Variants in CALD1 observed in about 807,000 individuals in gnomAD.
CALD1 encodes caldesmon.
Under a neutral mutation model 99.9 loss-of-function variants are expected in CALD1, and 33 were observed. The observed-to-expected ratio is 0.33, with a 90% CI of 0.25 to 0.44. The LOEUF is 0.44. Ranked by LOEUF, CALD1 falls within the 20% of genes least tolerant of loss-of-function variation. The probability of loss-of-function intolerance (pLI) is 1.00; values close to 1 mark genes in which losing one functional copy is unlikely to be tolerated. For missense variants in CALD1, 861 were observed against 962.1 expected, an observed-to-expected ratio of 0.89 and a Z score of 1.39; for synonymous variants, 310 against 325.0, an observed-to-expected ratio of 0.95 and a Z score of 0.50.
At chr7:134,891,749 A>T (rs1379924708) in intron 3 of CALD1, 122 of 451,794 alleles carry the variant, frequency 2.7e-4, no homozygotes, top group Non-Finnish European at 3.0e-4. Context: ...TTGTTGTAAA[A>T]AAAAAAAAAA....
At chr7:134,915,779 C>T (rs886712083) in intron 3 of CALD1, among the ~76,000 whole-genome samples, 2 of 152,146 alleles carry the variant, frequency 1.3e-5, no homozygotes, top group African/African-American at 4.8e-5. Flanking sequence ...CAAAGGGAGT[C>T]TTTAAGCATA....
rs1309895648 is a variant in CALD1, at chr7:134,958,094, A to G, written c.1961A>G (p.Asn654Ser). 3.7e-6 allele frequency: 6 copies of G among 1,610,094 alleles called. No individual in the cohort carries two copies. The highest frequency in any genetic ancestry group is 4.1e-4 in the Middle Eastern group (2 of 4,906). ...LKIEERAEFL[N>S]KSVQKSSGVK... ...ATAGAAGAGCGAGCAGAATTTTTGA[A>G]TAAGTCTGTGCAGAAAAGGTAAATA... The change falls in exon 10 of 15, where the codon AAT becomes AGT. Residue 654 changes from asparagine (N) to serine (S), a missense_variant. Physicochemically the swap from Asn to Ser is conservative, Grantham distance 46. Transcript: ENST00000361675.
chr7:134,828,529 T>C (rs1030851415), intron 1 of CALD1, among the ~76,000 whole-genome samples: 5 of 152,196 alleles, frequency 3.3e-5, no homozygotes, highest in East Asian at 3.8e-4. Flanking sequence ...AATTGTCCAA[T>C]GTTGTTCTCG....
At chr7:134,776,916 G>A (rs1451589488), upstream of CALD1, among the ~76,000 whole-genome samples, 1 of 151,966 alleles carries the variant, frequency 6.6e-6, no homozygotes, top group Non-Finnish European at 1.5e-5. Flanking sequence ...ATAAAGAATC[G>A]TCCAGATATT....
chr7:134,832,398 ATGAC>A (rs559096160), intron 1 of CALD1, among the ~76,000 whole-genome samples: 160 of 152,322 alleles, frequency 1.1e-3, no homozygotes, highest in African/African-American at 3.4e-3. Context: ...CTCCCTGCTC[ATGAC>A]TGACTACCTG....
intron 3 of CALD1, among the ~76,000 whole-genome samples, chr7:134,874,546 C>T (rs969428750): frequency 2.0e-5 from 3 of 152,206 alleles, no homozygotes; most frequent in Non-Finnish European, 2.9e-5. Flanking sequence ...TGGCCGACAC[C>T]GGGCTTGGTT....
At chr7:134,900,516 A>G (rs887783915) in intron 3 of CALD1, among the ~76,000 whole-genome samples, 2 of 152,088 alleles carry the variant, frequency 1.3e-5, no homozygotes, top group African/African-American at 4.8e-5. Context: ...GGTTGCACAA[A>G]AGAGTCTCAA....
At chr7:134,717,307 T>C in the CALD1 span, among the ~76,000 whole-genome samples, 2 of 152,208 alleles carry the variant, frequency 1.3e-5, no homozygotes, top group Non-Finnish European at 2.9e-5. Flanking sequence ...GCCATAACAG[T>C]GCCATACATA....
intron 1 of CALD1, among the ~76,000 whole-genome samples, chr7:134,798,866 A>C (rs1389452426): frequency 6.6e-6 from 1 of 152,176 alleles, no homozygotes; most frequent in Non-Finnish European, 1.5e-5. Context: ...GTGGCACCTT[A>C]TGGTGGAAAG....
chr7:134,900,508 T>C (rs1802911813), intron 3 of CALD1, among the ~76,000 whole-genome samples: 1 of 152,096 alleles, frequency 6.6e-6, no homozygotes, highest in Non-Finnish European at 1.5e-5. Context: ...GCGCTGCAGG[T>C]TGCACAAAAG....
chr7:134,919,264 T>A (rs1449869049), intron 3 of CALD1, among the ~76,000 whole-genome samples: 2 of 152,178 alleles, frequency 1.3e-5, no homozygotes, highest in African/African-American at 4.8e-5. Flanking sequence ...GAACTCTCAG[T>A]ACTCCCTGGG....
intron 3 of CALD1, among the ~76,000 whole-genome samples, chr7:134,910,287 G>C (rs1236799476): frequency 6.6e-6 from 1 of 152,180 alleles, no homozygotes; most frequent in Non-Finnish European, 1.5e-5. Context: ...GACAGCCCGT[G>C]ATAGGGTGGA....
At chr7:134,741,454 G>C (rs1471912822), upstream of CALD1, among the ~76,000 whole-genome samples, 1 of 152,098 alleles carries the variant, frequency 6.6e-6, no homozygotes, top group Non-Finnish European at 1.5e-5. Flanking sequence ...AGATTTGGGT[G>C]GGGACACAGC....
chr7:134,929,420 G>A (rs1213725817), intron 4 of CALD1, among the ~76,000 whole-genome samples: 1 of 150,972 alleles, frequency 6.6e-6, no homozygotes, highest in Non-Finnish European at 1.5e-5. Context: ...CGAGTCCCCA[G>A]TGTCCATTAT....
At chr7:134,966,526 T>A (rs944658874) in intron 14 of CALD1, among the ~76,000 whole-genome samples, 1 of 152,200 alleles carries the variant, frequency 6.6e-6, no homozygotes, top group East Asian at 1.9e-4. Context: ...CCAGTCACCA[T>A]GTGAGGTAAG....
Position 134,947,524 on chromosome 7 carries a change from G to T in CALD1, c.1549G>T (p.Ala517Ser), listed in dbSNP as rs1279649552. Residue 517 changes from alanine to serine, a missense_variant, in exon 8 of 15, where the codon GCC becomes TCC. By Grantham distance (99) the Ala-to-Ser change is moderately conservative (BLOSUM62 1). Coordinates refer to ENST00000361675, the MANE Select transcript of CALD1 (RefSeq NM_033138.4). ...ENTFSRPGGR[A>S]SVDTKEAEGA... ...CAACCACAGCCGCCCTGGAGGGAGG[G>T]CCAGCGTGGACACCAAGGAGGCTGA... The T allele has an allele frequency of 1.3e-6, 2 of 1,568,844 alleles. No individual in the cohort carries two copies. Among genetic ancestry groups the T allele is most frequent in the Non-Finnish European group, 1.7e-6 (2 of 1,156,630 alleles).
At chr7:134,763,385 T>G (rs776495157) in intron 1 of CALD1, among the ~76,000 whole-genome samples, 8 of 152,174 alleles carry the variant, frequency 5.3e-5, no homozygotes, top group Non-Finnish European at 1.0e-4. Context: ...TCCTCTGGTA[T>G]TATTTTAGGG....
chr7:134,791,904 G>A (rs145711050), intron 1 of CALD1, among the ~76,000 whole-genome samples: 1 of 152,226 alleles, frequency 6.6e-6, no homozygotes, highest in Admixed American at 6.5e-5. Context: ...AAGAGAGCTT[G>A]TGCAGGGGAA....
chr7:134,880,353 A>G lies in CALD1; in HGVS notation c.71+12549A>G, dbSNP rs990996260. 2.0e-5 allele frequency among the ~76,000 whole-genome samples: 3 copies of G among 152,192 alleles called. 1 individual carries two copies. The highest frequency in any genetic ancestry group is 7.2e-5 in the African/African-American group (3 of 41,444). ...AACCCATTTTTTATTCCCACAGAAA[A>G]CTTTACACTGTTGGAAGGTTTTCTG... On this transcript the variant is annotated intron_variant, in intron 3 of 14. Coordinates refer to ENST00000361675, the MANE Select transcript of CALD1 (RefSeq NM_033138.4).
Sources: gnomAD v4.1 joint callset for allele counts (sites outside exome capture counted in the v4.1 genomes callset) on GRCh38, gnomAD v4.1.1 for gene constraint, MANE v1.5 for transcripts, NCBI Gene and HGNC (gene_info 2026-07-23, HGNC 2026-07-21) for gene names.